PCDHA6: variants seen among roughly 807,000 people sequenced by gnomAD.
PCDHA6 encodes protocadherin alpha-6.
In PCDHA6, 55 loss-of-function variants were observed where a neutral mutation model predicts 60.3. The observed-to-expected ratio is 0.91, with a 90% confidence interval of 0.73 to 1.14. PCDHA6 has a LOEUF of 1.14. Ranked by LOEUF, PCDHA6 falls within the 50% of genes most tolerant of loss-of-function variation. The probability of loss-of-function intolerance (pLI) is 0.00; values close to 1 mark genes in which losing one functional copy is unlikely to be tolerated. For synonymous variants in PCDHA6, 652 were observed against 557.9 expected (o/e 1.17, Z -2.38); for missense variants, 1,327 against 1,256.5 (o/e 1.06, Z -0.85).
At chr5:140,902,611 A>G (rs924512539) in intron 1 of PCDHA6, among the ~76,000 whole-genome samples, 1 of 151,996 alleles carries the variant, frequency 6.6e-6, no homozygotes, top group East Asian at 1.9e-4. Flanking sequence ...TTTCAGTTAC[A>G]TGGGTAAGTT....
intron 1 of PCDHA6, chr5:140,857,485 G>T (rs1554150101): frequency 6.3e-7 from 1 of 1,598,484 alleles, no homozygotes; most frequent in Admixed American, 1.7e-5. Context: ...TGTCTGCGTG[G>T]GACGCGGACG....
chr5:140,989,387 T>A (rs1269344397), intron 3 of PCDHA6, among the ~76,000 whole-genome samples: 2 of 152,122 alleles, frequency 1.3e-5, no homozygotes, highest in Non-Finnish European at 2.9e-5. Context: ...GTGGGAAAGA[T>A]GATATGGAGG....
In PCDHA6 at chr5:140,842,631, C is replaced by G; in HGVS notation, c.2394+12146C>G. 4 of 1,595,224 alleles carry G rather than the reference C, an allele frequency of 2.5e-6. 2 individuals are homozygous for G. The South Asian group carries it at 4.4e-5, about 18-fold the overall frequency. ...GACGGGGGCTCGCCTTCGCTGTGGG[C>G]CACCGCCAGCTTGTCTGTGGAGGTG... On this transcript the variant is annotated intron_variant, in intron 1 of 3. Transcript: ENST00000529310.
intron 1 of PCDHA6, among the ~76,000 whole-genome samples, chr5:140,840,497 T>C (rs2150307403): frequency 3.9e-5 from 6 of 152,088 alleles, no homozygotes; most frequent in African/African-American, 1.2e-4. Context: ...TTCTGGTAAA[T>C]ACTCACTTTT....
chr5:140,950,569 T>G (rs969438550), intron 1 of PCDHA6, among the ~76,000 whole-genome samples: 2 of 152,120 alleles, frequency 1.3e-5, no homozygotes, highest in African/African-American at 4.8e-5. Context: ...TATTTTAAGG[T>G]TTTCTACTTA....
Position 141,010,168 on chromosome 5 carries a change from C to T in PCDHA6, c.*231C>T. The T allele has an allele frequency of 6.4e-7, 1 of 1,561,094 alleles. No individual in the cohort carries two copies. On this transcript the variant is annotated 3_prime_UTR_variant, in exon 4 of 4. Coordinates refer to ENST00000529310, the MANE Select transcript of PCDHA6 (RefSeq NM_018909.4). Reference sequence around the variant, plus strand: ...TCTCCACTCTGGCTTGTTTTCAGAACCTAAAAAGCAGACCCAAGTTTCCTT... The same window carrying T: ...TCTCCACTCTGGCTTGTTTTCAGAATCTAAAAAGCAGACCCAAGTTTCCTT...
intron 3 of PCDHA6, among the ~76,000 whole-genome samples, chr5:140,984,830 T>C (rs2097123075): frequency 6.6e-6 from 1 of 152,220 alleles, no homozygotes; most frequent in South Asian, 2.1e-4. Context: ...TTACCCTTTC[T>C]GTAAATTGGG....
rs1554140048 is a variant in PCDHA6, at chr5:140,843,414, T to G, written c.2394+12929T>G. 6 of 1,596,080 alleles carry G rather than the reference T, an allele frequency of 3.8e-6. 1 individual carries two copies. Among genetic ancestry groups the G allele is most frequent in the South Asian group, 1.1e-5 (1 of 90,504 alleles). On this transcript the variant is annotated intron_variant, in intron 1 of 3. Coordinates refer to ENST00000529310, the MANE Select transcript of PCDHA6 (RefSeq NM_018909.4). The stretch of plus-strand genomic sequence containing the variant: ...GAAGCGGCGCTGGTGGATGTCAACG[T>G]GTACCTGATCATCGCCATCTGCGCG...
At chr5:140,958,135 G>T (rs868969031) in intron 1 of PCDHA6, among the ~76,000 whole-genome samples, 3 of 152,036 alleles carry the variant, frequency 2.0e-5, no homozygotes, top group Non-Finnish European at 4.4e-5. Context: ...GTATCAGTGT[G>T]TATATTTATA....
In PCDHA6 at chr5:141,011,437, GA is replaced by G. The variant is rs1196462702; in HGVS notation, c.*1501del. The G allele has an allele frequency of 2.6e-5, 4 of 153,726 alleles. No homozygotes were observed. Among genetic ancestry groups the G allele is most frequent in the African/African-American group, 9.7e-5 (4 of 41,440 alleles). 9.5% of individuals were successfully genotyped at this position (153,726 alleles called of 1,614,324 possible). ...TGAATGTTAATGCAACTATTACCTA[GA>G]GTGAACTTTAAGCTTTATTGTTGAA... is the stretch of plus-strand genomic sequence containing the variant. On this transcript the variant is annotated 3_prime_UTR_variant, in exon 4 of 4. Transcript: ENST00000529310.
chr5:140,861,098 T>C (rs1334214171), intron 1 of PCDHA6: 1 of 152,426 alleles, frequency 6.6e-6, no homozygotes, highest in Non-Finnish European at 1.5e-5. Context: ...ATTGTTCCTG[T>C]ACTTTAAAAA....
chr5:140,869,516 A>G, intron 1 of PCDHA6: 2 of 1,614,226 alleles, frequency 1.2e-6, no homozygotes, highest in Non-Finnish European at 1.7e-6. Flanking sequence ...CTCAGAGAAC[A>G]AAAGCTGCTG....
At chr5:140,858,433 G>A in intron 1 of PCDHA6, 3 of 1,545,478 alleles carry the variant, frequency 1.9e-6, no homozygotes, top group Non-Finnish European at 2.6e-6. Flanking sequence ...ACCACTCTAG[G>A]AAGGTGGGTT....
intron 2 of PCDHA6, among the ~76,000 whole-genome samples, chr5:140,980,822 T>A (rs1433488208): frequency 6.6e-6 from 1 of 152,204 alleles, no homozygotes; most frequent in Non-Finnish European, 1.5e-5. Flanking sequence ...ACATATTAAA[T>A]GAGTTGTGAA....
At chr5:141,008,704 T>C (rs1485324733) in intron 3 of PCDHA6, among the ~76,000 whole-genome samples, 1 of 152,236 alleles carries the variant, frequency 6.6e-6, no homozygotes, top group East Asian at 1.9e-4. Context: ...AGTTGGTTTC[T>C]AGTTGCTTGA....
At chr5:140,850,806 G>A (rs1359393363) in intron 1 of PCDHA6, 2 of 1,598,276 alleles carry the variant, frequency 1.3e-6, no homozygotes, top group Non-Finnish European at 1.7e-6. Flanking sequence ...CGACCTCATG[G>A]CCTTCAGCCC....
In PCDHA6 at chr5:140,830,153, G is replaced by A. The variant is rs2150182058; in HGVS notation, c.2062G>A (p.Gly688Ser). The change falls in exon 1 of 4, where the codon GGC becomes AGC. Residue 688 changes from glycine (G) to serine (S), a missense_variant. By Grantham distance (56) the Gly-to-Ser change is moderately conservative (BLOSUM62 0). Coordinates refer to ENST00000529310, the MANE Select transcript of PCDHA6 (RefSeq NM_018909.4). ...ASSRASVGAA[G>S]PEAALVDVNV... ...ATCACGGGCGTCGGTGGGCGCCGCG[G>A]GCCCAGAGGCGGCGCTGGTGGATGT... 6 of 1,613,358 alleles carry A rather than the reference G, an allele frequency of 3.7e-6. No individual in the cohort carries two copies. In the East Asian group the frequency reaches 8.9e-5, roughly 24 times the overall value.
chr5:140,830,245 C>T lies in PCDHA6; in HGVS notation c.2154C>T (p.Tyr718=), dbSNP rs2150183338. The T allele has an allele frequency of 2.0e-5, 32 of 1,613,950 alleles. No individual in the cohort carries two copies. Among genetic ancestry groups the T allele is most frequent in the Admixed American group, 3.3e-5 (2 of 60,024 alleles). The change falls in exon 1 of 4, where the codon TAC becomes TAT. Residue 718 remains tyrosine, a synonymous_variant. Coordinates refer to ENST00000529310, the MANE Select transcript of PCDHA6 (RefSeq NM_018909.4). ...TGCTGGTCCTCACGCTACTGCTGTA[C>T]ACAGCGCTGCGGTGCTCGGCGCCAC... ...SSLLVLTLLL[Y]TALRCSAPPT...
At chr5:140,836,002 C>T in intron 1 of PCDHA6, 4 of 1,613,242 alleles carry the variant, frequency 2.5e-6, no homozygotes, top group Non-Finnish European at 2.5e-6. Flanking sequence ...GCGCGCGATG[C>T]GGGCGTGCCG....
Sources: gnomAD v4.1 joint callset for allele counts (sites outside exome capture counted in the v4.1 genomes callset) on GRCh38, gnomAD v4.1.1 for gene constraint, MANE v1.5 for transcripts, NCBI Gene and HGNC (gene_info 2026-07-23, HGNC 2026-07-21) for gene names.